GTF2H1: variants seen among roughly 807,000 people sequenced by gnomAD.
The protein encoded by GTF2H1 is general transcription factor IIH subunit 1.
A neutral mutation model predicts 71.2 loss-of-function variants in GTF2H1; 16 were observed. That is an observed-to-expected ratio of 0.22 (90% CI 0.15 to 0.34). The LOEUF (loss-of-function observed/expected upper bound fraction) is 0.34, where lower values mean the gene tolerates loss of function less well. GTF2H1 is among the 10% of genes least tolerant of loss of function. The probability of loss-of-function intolerance (pLI) is 1.00; values close to 1 mark genes in which losing one functional copy is unlikely to be tolerated. For missense variants in GTF2H1, 498 were observed against 648.2 expected (o/e 0.77, Z 2.52); for synonymous variants, 215 against 219.0 (o/e 0.98, Z 0.16).
chr11:18,357,929 T>G lies in GTF2H1; in HGVS notation c.1261-23T>G, dbSNP rs74871939. 7.5e-5 allele frequency: 110 copies of G among 1,459,372 alleles called. No homozygotes were observed. In the East Asian group the frequency reaches 2.4e-3, roughly 32 times the overall value. 90.4% of individuals were successfully genotyped at this position (1,459,372 alleles called of 1,614,324 possible). On this transcript the variant is annotated intron_variant, in intron 11 of 14. Transcript: ENST00000265963. Reference sequence around the variant, plus strand: ...AAAAAAAAGGGAGGAAAACCAGTTTTAATGCATCTTCATTTTTTTCAGGTT... The same window carrying G: ...AAAAAAAAGGGAGGAAAACCAGTTTGAATGCATCTTCATTTTTTTCAGGTT...
At chr11:18,324,044 C>A (rs1174594165) in intron 1 of GTF2H1, among the ~76,000 whole-genome samples, 1 of 125,142 alleles carries the variant, frequency 8.0e-6, no homozygotes, top group Non-Finnish European at 1.7e-5. Flanking sequence ...TATCCTCACT[C>A]AGCCGACATT....
At chr11:18,361,107 C>CT (rs770102038) in intron 14 of GTF2H1, among the ~76,000 whole-genome samples, 2 of 152,012 alleles carry the variant, frequency 1.3e-5, no homozygotes, top group Non-Finnish European at 2.9e-5. Context: ...CCGGCCAATA[C>CT]TTTATTTTCT....
chr11:18,358,501 A>G lies in GTF2H1; in HGVS notation c.1352-24A>G, dbSNP rs370433341. 153 of 1,328,228 alleles carry G rather than the reference A, an allele frequency of 1.2e-4. 1 individual carries two copies. The South Asian group carries it at 1.4e-3, about 12-fold the overall frequency. 82.3% of individuals were successfully genotyped at this position (1,328,228 alleles called of 1,614,324 possible). On this transcript the variant is annotated intron_variant, in intron 12 of 14. Transcript: ENST00000265963. ...TATATGTTAAAATAGCTCTTAACCT[A>G]TGGGCCTTGTTCTTCTTTTGCAGAG...
At chr11:18,347,532 TATAATA>T (rs1189530506) in intron 7 of GTF2H1, 50 bp from the exon 8 acceptor site, 2 of 1,350,154 alleles carry the variant, frequency 1.5e-6, no homozygotes, top group South Asian at 3.2e-5. Context: ...AAGCGTGTCT[TATAATA>T]AGAAAAGCAG....
At chr11:18,338,865 T>A (rs903858235) in intron 4 of GTF2H1, among the ~76,000 whole-genome samples, 1 of 152,244 alleles carries the variant, frequency 6.6e-6, no homozygotes, top group Non-Finnish European at 1.5e-5. Context: ...TCAAATGGAA[T>A]TTGAAAATGA....
At chr11:18,341,205 G>C (rs1229729973) in intron 5 of GTF2H1, 56 bp from the exon 6 acceptor site, 1 of 1,390,842 alleles carries the variant, frequency 7.2e-7, no homozygotes, top group Non-Finnish European at 1.0e-6. Context: ...TACCTAATTT[G>C]AGAGGTTTTA....
At chr11:18,325,726 A>T (rs4150547) in intron 1 of GTF2H1, among the ~76,000 whole-genome samples, 5,045 of 152,326 alleles carry the variant, frequency 0.033, 270 homozygotes, top group African/African-American at 0.11. Flanking sequence ...AAGGAAGAGA[A>T]TGTACAAAGG....
At chr11:18,347,537 T>G (rs1565013106) in intron 7 of GTF2H1, 51 bp from the exon 8 acceptor site, 4 of 1,393,830 alleles carry the variant, frequency 2.9e-6, no homozygotes, top group African/African-American at 2.9e-5. Flanking sequence ...TGTCTTATAA[T>G]AAGAAAAGCA....
At chr11:18,342,647 A>G (rs530720062) in intron 7 of GTF2H1, among the ~76,000 whole-genome samples, 2 of 152,304 alleles carry the variant, frequency 1.3e-5, no homozygotes, top group African/African-American at 4.8e-5. Flanking sequence ...CTATACAAAC[A>G]TGGCCCTCTT....
At chr11:18,327,022 C>G (rs887932328) in intron 1 of GTF2H1, among the ~76,000 whole-genome samples, 2 of 151,886 alleles carry the variant, frequency 1.3e-5, no homozygotes, top group Admixed American at 6.6e-5. Context: ...ATTAGCTGGG[C>G]GTGGTGGCAG....
chr11:18,365,863 A>T lies in GTF2H1; in HGVS notation c.1641A>T (p.Lys547Asn). 1 of 1,610,550 alleles carries T rather than the reference A, an allele frequency of 6.2e-7. No homozygotes were observed. The highest frequency in any genetic ancestry group is 8.5e-7 in the Non-Finnish European group (1 of 1,176,818). The change falls in exon 15 of 15, where the codon AAA becomes AAT. Residue 547 changes from lysine to asparagine, a missense_variant. Physicochemically the swap from Lys to Asn is moderately conservative, Grantham distance 94. Around this residue, in one of 3 missense-constraint regions of GTF2H1, gnomAD observed 266 missense variants for 301.6 expected, o/e 0.88. Coordinates refer to ENST00000265963, the MANE Select transcript of GTF2H1 (RefSeq NM_005316.4). Reference sequence around the variant, plus strand: ...GGCAGTCACGGCGTCTGATGAAGAAAACGTGAGGTGGCCATGATGCTTACA... The same window carrying T: ...GGCAGTCACGGCGTCTGATGAAGAATACGTGAGGTGGCCATGATGCTTACA... ...HTWQSRRLMK[K>N]T
intron 7 of GTF2H1, among the ~76,000 whole-genome samples, chr11:18,346,157 G>A (rs1865288775): frequency 1.3e-5 from 2 of 152,232 alleles, no homozygotes; most frequent in Admixed American, 6.5e-5. Flanking sequence ...CGTTATTAGT[G>A]TATTGAACCA....
intron 11 of GTF2H1, among the ~76,000 whole-genome samples, chr11:18,357,275 A>AT (rs1218213405): frequency 6.6e-6 from 1 of 152,084 alleles, no homozygotes; most frequent in Non-Finnish European, 1.5e-5. Flanking sequence ...AGATAGGTCA[A>AT]TTTTTTCCTA....
chr11:18,332,804 AAATT>A (rs902513556), intron 1 of GTF2H1: 7 of 255,130 alleles, frequency 2.7e-5, no homozygotes, highest in East Asian at 7.6e-5. Flanking sequence ...TGAGGAAAAT[AAATT>A]AATAATACTC....
rs4150613 is a variant in GTF2H1 at position 18,343,036 on chromosome 11, C to T, written c.837+1429C>T. Among the ~76,000 whole-genome samples, 62 of 152,288 alleles carry T rather than the reference C, an allele frequency of 4.1e-4. 2 individuals carry two copies. The East Asian group carries it at 0.012, about 29-fold the overall frequency. On this transcript the variant is annotated intron_variant, in intron 7 of 14. Coordinates refer to ENST00000265963, the MANE Select transcript of GTF2H1 (RefSeq NM_005316.4). ...TCCTGGGTTCAAGCGATTCTCCTGC[C>T]TCAGGCTCCCGAGTAGCTGAGATCA...
intron 14 of GTF2H1, among the ~76,000 whole-genome samples, chr11:18,361,984 AC>A (rs1484259918): frequency 1.3e-5 from 2 of 152,242 alleles, no homozygotes; most frequent in African/African-American, 4.8e-5. Flanking sequence ...TCCCAGAGGT[AC>A]CTTGGAAAGA....
At chr11:18,338,814 T>G (rs188535054) in intron 4 of GTF2H1, among the ~76,000 whole-genome samples, 230 of 152,314 alleles carry the variant, frequency 1.5e-3, no homozygotes, top group African/African-American at 5.2e-3. Context: ...TTACCAGTTA[T>G]GTTTTCTTGG....
Position 18,341,141 on chromosome 11 carries a change from T to C in GTF2H1, c.608-120T>C, listed in dbSNP as rs146026234. Reference sequence around the variant, plus strand: ...ATATTTATAATTAGATTATAACTTATAGTATGTAGAGTTGAGAGCTTTATG... The same window carrying C: ...ATATTTATAATTAGATTATAACTTACAGTATGTAGAGTTGAGAGCTTTATG... On this transcript the variant is annotated intron_variant, in intron 5 of 14. Coordinates refer to ENST00000265963, the MANE Select transcript of GTF2H1 (RefSeq NM_005316.4). The C allele has an allele frequency of 6.4e-4, 436 of 676,332 alleles. 1 individual carries two copies. Among genetic ancestry groups the C allele is most frequent in the Middle Eastern group, 1.3e-3 (3 of 2,398 alleles). The allele number at this position is 676,332 out of a possible 1,614,324, so 41.9% of individuals were successfully genotyped here. A position where few individuals can be genotyped will look rare whatever the true frequency, so the allele number is the denominator to read the frequency against.
rs940447249 is a variant in GTF2H1 at position 18,366,398 on chromosome 11, A to G, written c.*529A>G. 1 of 152,676 alleles carries G rather than the reference A, an allele frequency of 6.5e-6. No homozygotes were observed. Among genetic ancestry groups the G allele is most frequent in the Non-Finnish European group, 1.5e-5 (1 of 68,106 alleles). 9.5% of individuals were successfully genotyped at this position (152,676 alleles called of 1,614,324 possible). ...GGATCCTCAAGTTTTAATGAATTCC[A>G]ATTATACCTTACATCAGCAAGTTAA... is the stretch of plus-strand genomic sequence containing the variant. On this transcript the variant is annotated 3_prime_UTR_variant, in exon 15 of 15. Coordinates refer to ENST00000265963, the MANE Select transcript of GTF2H1 (RefSeq NM_005316.4).
Sources: allele counts gnomAD v4.1 joint callset (sites outside exome capture counted in the v4.1 genomes callset), GRCh38; gene constraint gnomAD v4.1.1; regional missense constraint gnomAD v4.1.1; transcripts MANE v1.5; gene names NCBI Gene and HGNC (gene_info 2026-07-23, HGNC 2026-07-21).